The following KIAA1614 variants were observed in gnomAD, a reference collection of about 807,000 sequenced individuals.
KIAA1614 encodes uncharacterized protein KIAA1614.
In KIAA1614, 76 loss-of-function variants were observed where a neutral mutation model predicts 88.7. The ratio of observed to expected loss-of-function variants is 0.86; its 90% CI spans 0.71 to 1.04. KIAA1614 has a LOEUF of 1.04. KIAA1614 is among the 50% of genes least tolerant of loss of function. The probability of loss-of-function intolerance (pLI) is 0.00; values close to 1 mark genes in which losing one functional copy is unlikely to be tolerated. For synonymous variants in KIAA1614, 714 were observed against 675.5 expected (o/e 1.06, Z -0.88); for missense variants, 1,553 against 1,582.5 (o/e 0.98, Z 0.32).
At chr1:180,944,592 C>A (rs1264795352) in intron 8 of KIAA1614, 76 bp downstream of exon 8, 1 of 1,508,074 alleles carries the variant, frequency 6.6e-7, no homozygotes, top group Non-Finnish European at 9.0e-7. Context: ...CTCCTTCCTG[C>A]CTCAGCATCA....
chr1:180,934,691 A>G (rs778484207), intron 4 of KIAA1614, among the ~76,000 whole-genome samples: 3 of 152,196 alleles, frequency 2.0e-5, no homozygotes, highest in Non-Finnish European at 4.4e-5. Context: ...ATTACAGCAA[A>G]TACATATTTC....
rs578056893 is a variant in KIAA1614 at position 180,946,506 on chromosome 1, C to T, written c.*918C>T. 3.5e-4 allele frequency: 53 copies of T among 152,290 alleles called. No individual in the cohort carries two copies. Among genetic ancestry groups the T allele is most frequent in the African/African-American group, 1.3e-3 (53 of 41,498 alleles). The allele number at this position is 152,290 out of a possible 1,614,324, so 9.4% of individuals were successfully genotyped here. ...ACTTGCAAAAGCCCACGCCCAAGGT[C>T]TGTGGTCCAGAATGCATCTCAAGGG... On this transcript the variant is annotated 3_prime_UTR_variant, in exon 9 of 9. Coordinates refer to ENST00000367588, the MANE Select transcript of KIAA1614 (RefSeq NM_020950.2).
Position 180,935,347 on chromosome 1 carries a change from T to C in KIAA1614, c.1438T>C (p.Leu480=). Residue 480 remains leucine, a synonymous_variant, in exon 5 of 9, where the codon TTG becomes CTG. Coordinates refer to ENST00000367588, the MANE Select transcript of KIAA1614 (RefSeq NM_020950.2). This position sits in a 1 kb window ranked among gnomAD's most constrained non-coding sequence, Gnocchi z 6.1. The part of the protein sequence containing the change: ...QRQRQVLSTV[L]QAADQGPLRS... ...CCAGCGCCAGGTGCTGAGCACCGTG[T>C]TGCAGGCCGCGGACCAGGGCCCCCT... 1 of 1,474,444 alleles carries C rather than the reference T, an allele frequency of 6.8e-7. No homozygotes were observed. Among genetic ancestry groups the C allele is most frequent in the Non-Finnish European group, 8.9e-7 (1 of 1,117,326 alleles). 91.3% of individuals were successfully genotyped at this position (1,474,444 alleles called of 1,614,324 possible). A position where few individuals can be genotyped will look rare whatever the true frequency, so the allele number is the denominator to read the frequency against.
Position 180,913,313 on chromosome 1 carries a change from C to T in KIAA1614, c.50+20C>T. On this transcript the variant is annotated intron_variant, in intron 1 of 8. Coordinates refer to ENST00000367588, the MANE Select transcript of KIAA1614 (RefSeq NM_020950.2). ...CCCCCAGTGAGTATAGAGGAGGCAG[C>T]GCCGGGCCGGCCGGGCGGGGGTGGC... The T allele has an allele frequency of 8.1e-7, 1 of 1,241,810 alleles. No individual in the cohort carries two copies. Among genetic ancestry groups the T allele is most frequent in the Non-Finnish European group, 1.0e-6 (1 of 986,168 alleles). 76.9% of individuals were successfully genotyped at this position (1,241,810 alleles called of 1,614,324 possible). A position where few individuals can be genotyped will look rare whatever the true frequency, so the allele number is the denominator to read the frequency against.
At chr1:180,921,643 C>T (rs946016954) in intron 3 of KIAA1614, among the ~76,000 whole-genome samples, 1 of 152,204 alleles carries the variant, frequency 6.6e-6, no homozygotes, top group African/African-American at 2.4e-5. Context: ...CCCCTCCCAG[C>T]CTGCTCTGTT....
chr1:180,918,689 C>T (rs1653878518), intron 3 of KIAA1614, among the ~76,000 whole-genome samples: 1 of 152,162 alleles, frequency 6.6e-6, no homozygotes, highest in African/African-American at 2.4e-5. Context: ...CCTGCGAGGC[C>T]TTGTGGTTTC....
chr1:180,920,846 T>A lies in KIAA1614; in HGVS notation c.1061+2932T>A, dbSNP rs553262400. Among the ~76,000 whole-genome samples the A allele has an allele frequency of 4.6e-5, 7 of 152,010 alleles. No individual in the cohort carries two copies. The East Asian group carries it at 1.2e-3, about 25-fold the overall frequency. ...AGACCCCCGGCCCCCAACCCCAGGG[T>A]TGTCCCCCACTTAATGAGGGGCAAG... is the stretch of plus-strand genomic sequence containing the variant. On this transcript the variant is annotated intron_variant, in intron 3 of 8. Coordinates refer to ENST00000367588, the MANE Select transcript of KIAA1614 (RefSeq NM_020950.2).
At chr1:180,936,783 A>ATTGCTT in intron 5 of KIAA1614, 113 bp downstream of exon 5, 1 of 672,854 alleles carries the variant, frequency 1.5e-6, no homozygotes, top group Non-Finnish European at 2.4e-6. Flanking sequence ...TTTTATCTCA[A>ATTGCTT]TAGTCAGATG....
chr1:180,921,225 T>C (rs537119876), intron 3 of KIAA1614, among the ~76,000 whole-genome samples: 2,064 of 141,064 alleles, frequency 0.015, 44 homozygotes, highest in African/African-American at 0.052. Flanking sequence ...GGGCGGGGGG[T>C]CACAAGGTGC....
intron 7 of KIAA1614, among the ~76,000 whole-genome samples, chr1:180,941,930 G>A (rs563122947): frequency 6.6e-6 from 1 of 152,170 alleles, no homozygotes; most frequent in African/African-American, 2.4e-5. Context: ...GTCTGACTTC[G>A]AACCTTCAGG....
Position 180,936,613 on chromosome 1 carries a change from G to T in KIAA1614, c.2704G>T (p.Val902Leu), listed in dbSNP as rs1218066143. ...PYGGAVHEGRVERGPCSREPE... is the reference protein window; with the variant it reads ...PYGGAVHEGRLERGPCSREPE... The stretch of plus-strand genomic sequence containing the variant: ...CGGGGGAGCCGTCCACGAGGGTAGG[G>T]TGGAGAGGGGCCCCTGCAGCCGGGA... Residue 902 changes from valine to leucine, a missense_variant, in exon 5 of 9, where the codon GTG (valine) becomes TTG (leucine). Coordinates refer to ENST00000367588, the MANE Select transcript of KIAA1614 (RefSeq NM_020950.2). 6.2e-7 allele frequency: 1 copy of T among 1,601,412 alleles called. No homozygotes were observed. Among genetic ancestry groups the T allele is most frequent in the Non-Finnish European group, 8.5e-7 (1 of 1,175,354 alleles).
chr1:180,929,296 G>C (rs1023450438), intron 4 of KIAA1614, among the ~76,000 whole-genome samples: 2 of 152,216 alleles, frequency 1.3e-5, no homozygotes, highest in Non-Finnish European at 2.9e-5. Flanking sequence ...TGTTGCAGGG[G>C]TGTGGGAGGT....
Position 180,935,995 on chromosome 1 carries a change from A to T in KIAA1614, c.2086A>T (p.Thr696Ser). The change falls in exon 5 of 9, where the codon ACG becomes TCG. Residue 696 changes from threonine (T) to serine (S), a missense_variant. By Grantham distance (58) the Thr-to-Ser change is moderately conservative. Coordinates refer to ENST00000367588, the MANE Select transcript of KIAA1614 (RefSeq NM_020950.2). This position sits in a 1 kb window ranked among gnomAD's most constrained non-coding sequence, Gnocchi z 6.1. The part of the protein sequence containing the change: ...ENEVKEGRGH[T>S]PEGTLFLRED... Reference sequence around the variant, plus strand: ...TGAGGTGAAAGAGGGCAGAGGACACACGCCTGAAGGAACTCTATTTTTGAG... The same window carrying T: ...TGAGGTGAAAGAGGGCAGAGGACACTCGCCTGAAGGAACTCTATTTTTGAG... 1 of 1,614,072 alleles carries T rather than the reference A, an allele frequency of 6.2e-7. No individual in the cohort carries two copies. The highest frequency in any genetic ancestry group is 8.5e-7 in the Non-Finnish European group (1 of 1,179,920).
chr1:180,925,438 C>T (rs974691798), intron 3 of KIAA1614, among the ~76,000 whole-genome samples: 4 of 152,230 alleles, frequency 2.6e-5, no homozygotes, highest in Non-Finnish European at 5.9e-5. Flanking sequence ...ATCTGGGAAG[C>T]GGCAGATCCC....
intron 3 of KIAA1614, among the ~76,000 whole-genome samples, chr1:180,921,974 G>A (rs1254061108): frequency 6.6e-6 from 1 of 152,240 alleles, no homozygotes; most frequent in Non-Finnish European, 1.5e-5. Flanking sequence ...GCAAGTGAAA[G>A]GGTGTGACAG....
At position 180,950,388 on chromosome 1, in the gene KIAA1614, C is replaced by A; in HGVS notation, c.*4800C>A. The A allele has an allele frequency of 1.6e-6, 2 of 1,238,170 alleles. No homozygotes were observed. Among genetic ancestry groups the A allele is most frequent in the Non-Finnish European group, 2.1e-6 (2 of 962,610 alleles). 76.7% of individuals were successfully genotyped at this position (1,238,170 alleles called of 1,614,324 possible). A position where few individuals can be genotyped will look rare whatever the true frequency, so the allele number is the denominator to read the frequency against. Reference sequence around the variant, plus strand: ...GACATGAGCATGGCCAAGCTGTACTCAGGGCTGCTGGGGGTGGGCGATGAG... The same window carrying A: ...GACATGAGCATGGCCAAGCTGTACTAAGGGCTGCTGGGGGTGGGCGATGAG... On this transcript the variant is annotated 3_prime_UTR_variant, in exon 9 of 9. Transcript: ENST00000367588.
chr1:180,930,343 C>A (rs1654170585), intron 4 of KIAA1614, among the ~76,000 whole-genome samples: 1 of 151,440 alleles, frequency 6.6e-6, no homozygotes, highest in Admixed American at 6.6e-5. Context: ...CACTTGAACC[C>A]GGGAGGCGGA....
intron 1 of KIAA1614, among the ~76,000 whole-genome samples, chr1:180,915,513 T>G (rs147955603): frequency 6.6e-6 from 1 of 152,318 alleles, no homozygotes; most frequent in African/African-American, 2.4e-5. Context: ...GAAGCTTCAT[T>G]TTGCCCGTCT....
chr1:180,917,176 G>C, intron 2 of KIAA1614, 76 bp downstream of exon 2: 1 of 1,171,864 alleles, frequency 8.5e-7, no homozygotes, highest in East Asian at 2.5e-5. Context: ...GGACGAGGGG[G>C]TCCCACAGAG....
Sources: allele counts gnomAD v4.1 joint callset (sites outside exome capture counted in the v4.1 genomes callset), GRCh38; gene constraint gnomAD v4.1.1; non-coding constraint Gnocchi (gnomAD v3.1); transcripts MANE v1.5; gene names NCBI Gene and HGNC (gene_info 2026-07-23, HGNC 2026-07-21).